The following SHLD2 variants were observed in gnomAD, a reference collection of about 807,000 sequenced individuals.
SHLD2 encodes RINN1-REV7-interacting novel NHEJ regulator 2.
SHLD2 carries 30 observed loss-of-function variants against 73.2 expected under a neutral mutation model. That is an observed-to-expected ratio of 0.41 (90% CI 0.31 to 0.56). The LOEUF (loss-of-function observed/expected upper bound fraction) is 0.56, where lower values mean the gene tolerates loss of function less well. SHLD2 is among the 20% of genes least tolerant of loss of function. The probability of loss-of-function intolerance (pLI) is 0.28; values close to 1 mark genes in which losing one functional copy is unlikely to be tolerated. For missense variants in SHLD2, 745 were observed against 1,055.9 expected, an observed-to-expected ratio of 0.71 and a Z score of 4.08; for synonymous variants, 285 against 370.1, an observed-to-expected ratio of 0.77 and a Z score of 2.64.
rs1246108659 is a variant in SHLD2, at chr10:87,100,495, C to T, written c.-6+3506C>T. On this transcript the variant is annotated intron_variant, in intron 2 of 9. Transcript: ENST00000298786. Reference sequence around the variant, plus strand: ...ATTACGCCAGTTTTTTTTTTTTTTTCGAAATGGAGTCTCACTCTGTTGCCC... The same window carrying T: ...ATTACGCCAGTTTTTTTTTTTTTTTTGAAATGGAGTCTCACTCTGTTGCCC... Among the ~76,000 whole-genome samples the T allele has an allele frequency of 7.1e-3, 834 of 117,406 alleles. 1 individual carries two copies. The highest frequency in any genetic ancestry group is 0.012 in the Non-Finnish European group (653 of 54,460). 77.0% of individuals were successfully genotyped at this position (117,406 alleles called of 152,430 possible).
intron 2 of SHLD2, among the ~76,000 whole-genome samples, chr10:87,123,149 G>A (rs1020257766): frequency 1.1e-4 from 16 of 152,118 alleles, no homozygotes; most frequent in Admixed American, 8.5e-4. Context: ...CTGACCTCAA[G>A]GCCTGCCTTG....
intron 2 of SHLD2, among the ~76,000 whole-genome samples, chr10:87,137,899 C>CATGT (rs1209236473): frequency 1.3e-5 from 2 of 152,058 alleles, no homozygotes; most frequent in Admixed American, 6.6e-5. Flanking sequence ...ATGGCTAATC[C>CATGT]ATGTTTTCAG....
At chr10:87,132,185 TC>T (rs1174722924) in intron 2 of SHLD2, among the ~76,000 whole-genome samples, 1 of 152,206 alleles carries the variant, frequency 6.6e-6, no homozygotes, top group Non-Finnish European at 1.5e-5. Flanking sequence ...TTATTTTTGA[TC>T]CTTGAACTCA....
At chr10:87,112,018 A>T (rs924397866) in intron 2 of SHLD2, among the ~76,000 whole-genome samples, 1 of 151,760 alleles carries the variant, frequency 6.6e-6, no homozygotes, top group African/African-American at 2.4e-5. Flanking sequence ...TGGGCGGATC[A>T]CGAGGTCAGG....
intron 2 of SHLD2, among the ~76,000 whole-genome samples, chr10:87,110,702 G>T (rs755158935): frequency 9.2e-5 from 14 of 151,386 alleles, no homozygotes; most frequent in Non-Finnish European, 1.6e-4. Flanking sequence ...ATGGATCAAA[G>T]ACCTAAATAT....
chr10:87,099,668 C>G (rs1360146882), intron 2 of SHLD2, among the ~76,000 whole-genome samples: 1 of 152,094 alleles, frequency 6.6e-6, no homozygotes, highest in Non-Finnish European at 1.5e-5. Context: ...GCGTTTATAC[C>G]TAGGAATGGT....
intron 2 of SHLD2, among the ~76,000 whole-genome samples, chr10:87,137,424 A>G (rs1043524603): frequency 6.6e-6 from 1 of 152,096 alleles, no homozygotes; most frequent in Admixed American, 6.6e-5. Context: ...AAAGAAAAAT[A>G]TACTAGCAGA....
At chr10:87,167,267 A>G (rs1376294471) in intron 4 of SHLD2, among the ~76,000 whole-genome samples, 2 of 152,206 alleles carry the variant, frequency 1.3e-5, no homozygotes, top group African/African-American at 2.4e-5. Flanking sequence ...AAAATCTTGA[A>G]CTAATTAGAT....
intron 7 of SHLD2, among the ~76,000 whole-genome samples, chr10:87,178,657 C>T (rs1046269973): frequency 6.6e-6 from 1 of 151,732 alleles, no homozygotes. Flanking sequence ...GTTGAGACTG[C>T]AGTGAGTCAA....
intron 3 of SHLD2, among the ~76,000 whole-genome samples, chr10:87,155,499 G>GA (rs869107442): frequency 6.7e-6 from 1 of 149,908 alleles, no homozygotes; most frequent in Non-Finnish European, 1.5e-5. Flanking sequence ...CATTGTAAAT[G>GA]AAAAAAAAAT....
intron 2 of SHLD2, among the ~76,000 whole-genome samples, chr10:87,143,405 C>T (rs555441470): frequency 6.6e-6 from 1 of 152,284 alleles, no homozygotes; most frequent in Admixed American, 6.5e-5. Context: ...ATCCCATTGT[C>T]TCATAGCTTC....
chr10:87,099,986 T>C (rs1407503632), intron 2 of SHLD2, among the ~76,000 whole-genome samples: 1 of 151,564 alleles, frequency 6.6e-6, no homozygotes, highest in Non-Finnish European at 1.5e-5. Flanking sequence ...TTTGTAAGAG[T>C]TTTTTTTTAA....
intron 2 of SHLD2, among the ~76,000 whole-genome samples, chr10:87,141,754 A>C (rs1255901319): frequency 6.6e-6 from 1 of 152,166 alleles, no homozygotes; most frequent in Non-Finnish European, 1.5e-5. Flanking sequence ...ATTGTGGCCC[A>C]GCACGGTGGC....
At chr10:87,144,937 CTTT>C (rs1178507966) in intron 2 of SHLD2, among the ~76,000 whole-genome samples, 45 of 72,020 alleles carry the variant, frequency 6.2e-4, no homozygotes, top group African/African-American at 2.3e-3. Context: ...GCCTGTAATT[CTTT>C]TTTTTTTTTT....
At chr10:87,121,165 C>T (rs1430442049) in intron 2 of SHLD2, among the ~76,000 whole-genome samples, 1 of 152,116 alleles carries the variant, frequency 6.6e-6, no homozygotes, top group Non-Finnish European at 1.5e-5. Context: ...TACTCTGTGG[C>T]CCAGGCTGGG....
chr10:87,094,778 G>T (rs1300670632), upstream of SHLD2: 1 of 1,531,976 alleles, frequency 6.5e-7, no homozygotes, highest in Non-Finnish European at 8.8e-7. This position sits in a 1 kb window ranked among gnomAD's most constrained non-coding sequence, Gnocchi z 6.6. Context: ...ATGGCCACAA[G>T]CGGAGGGGAG....
intron 4 of SHLD2, among the ~76,000 whole-genome samples, chr10:87,159,287 G>A (rs750218588): frequency 1.5e-4 from 23 of 152,046 alleles, no homozygotes; most frequent in Non-Finnish European, 3.2e-4. Flanking sequence ...ATACTAGGGT[G>A]GCCCATCAGC....
intron 2 of SHLD2, among the ~76,000 whole-genome samples, chr10:87,107,601 G>A (rs533761392): frequency 1.6e-4 from 24 of 152,256 alleles, no homozygotes; most frequent in Admixed American, 5.9e-4. Flanking sequence ...AGGAAATGGC[G>A]TGTGGAAAAA....
At chr10:87,140,375 A>G (rs1214155680) in intron 2 of SHLD2, among the ~76,000 whole-genome samples, 3 of 149,538 alleles carry the variant, frequency 2.0e-5, no homozygotes, top group Non-Finnish European at 4.4e-5. Context: ...AGCCAAGATC[A>G]TGCCACTACA....
Sources: allele counts gnomAD v4.1 joint callset (sites outside exome capture counted in the v4.1 genomes callset), GRCh38; gene constraint gnomAD v4.1.1; non-coding constraint Gnocchi (gnomAD v3.1); transcripts MANE v1.5; gene names NCBI Gene and HGNC (gene_info 2026-07-23, HGNC 2026-07-21).